MAPK8IP3: variants seen among roughly 807,000 people sequenced by gnomAD.
The protein encoded by MAPK8IP3 is C-Jun-amino-terminal kinase-interacting protein 3.
Under a neutral mutation model 157.8 loss-of-function variants are expected in MAPK8IP3, and 49 were observed. That is an observed-to-expected ratio of 0.31 (90% confidence interval 0.25 to 0.39). The LOEUF (loss-of-function observed/expected upper bound fraction) is 0.39, where lower values mean the gene tolerates loss of function less well. Ranked by LOEUF, MAPK8IP3 falls within the 10% of genes least tolerant of loss-of-function variation. MAPK8IP3 has a pLI of 1.00. For missense variants in MAPK8IP3, 1,478 were observed against 1,889.4 expected (o/e 0.78, Z 4.04); for synonymous variants, 897 against 777.7 (o/e 1.15, Z -2.55).
At chr16:1,718,563 G>A (rs2038308924) in intron 1 of MAPK8IP3, among the ~76,000 whole-genome samples, 1 of 151,406 alleles carries the variant, frequency 6.6e-6, no homozygotes, top group South Asian at 2.1e-4. Flanking sequence ...GGAACCCAAG[G>A]CAGGCAGATT....
At chr16:1,730,607 G>GCT (rs1311241381) in intron 4 of MAPK8IP3, among the ~76,000 whole-genome samples, 2 of 152,060 alleles carry the variant, frequency 1.3e-5, no homozygotes, top group Non-Finnish European at 2.9e-5. Context: ...ACTTTGGGAG[G>GCT]GCAAGGAGGG....
intron 8 of MAPK8IP3, among the ~76,000 whole-genome samples, chr16:1,750,939 T>C (rs1305915804): frequency 6.6e-6 from 1 of 151,636 alleles, no homozygotes; most frequent in Admixed American, 6.6e-5. Context: ...CCACCACTCC[T>C]GGCCGATTGT....
intron 4 of MAPK8IP3, among the ~76,000 whole-genome samples, chr16:1,732,296 G>T (rs1488575016): frequency 6.6e-6 from 1 of 152,206 alleles, no homozygotes; most frequent in Non-Finnish European, 1.5e-5. Flanking sequence ...GATGGCAAAA[G>T]CCTCCCTCAC....
intron 8 of MAPK8IP3, among the ~76,000 whole-genome samples, chr16:1,756,772 T>C (rs2041625661): frequency 6.6e-6 from 1 of 151,894 alleles, no homozygotes; most frequent in Non-Finnish European, 1.5e-5. Flanking sequence ...CAGTAAGCTA[T>C]GATAGTGCCA....
At position 1,743,324 on chromosome 16, in the gene MAPK8IP3, C is replaced by T; in HGVS notation, c.603-8C>T. ...CATCGCTTCCTCTCCTCTCGCCCCC[C>T]ATTTCAGCAGGAAGGAGCGCCCCAC... On this transcript the variant is annotated splice_region_variant and splice_polypyrimidine_tract_variant and intron_variant, in intron 4 of 31. Transcript: ENST00000610761. This position sits in a 1 kb window ranked among gnomAD's most constrained non-coding sequence, Gnocchi z 5.6. 6.5e-7 allele frequency: 1 copy of T among 1,547,444 alleles called. No homozygotes were observed. The highest frequency in any genetic ancestry group is 8.7e-7 in the Non-Finnish European group (1 of 1,154,356).
At chr16:1,708,194 A>T (rs1222890837) in intron 1 of MAPK8IP3, among the ~76,000 whole-genome samples, 1 of 152,216 alleles carries the variant, frequency 6.6e-6, no homozygotes. Flanking sequence ...GGCTGAACCA[A>T]GGTCACCCAC....
chr16:1,708,306 G>A (rs2037531346), intron 1 of MAPK8IP3, among the ~76,000 whole-genome samples: 1 of 152,210 alleles, frequency 6.6e-6, no homozygotes, highest in Non-Finnish European at 1.5e-5. Context: ...CTCCCCAGAA[G>A]CCTGGAGTGC....
At chr16:1,764,252 G>T in intron 18 of MAPK8IP3, 42 bp downstream of exon 18, 4 of 1,597,044 alleles carry the variant, frequency 2.5e-6, no homozygotes, top group Non-Finnish European at 1.7e-6. Context: ...TGGGCGAGCG[G>T]GAGGCTGGGG....
chr16:1,734,375 G>T (rs991002276), intron 4 of MAPK8IP3, among the ~76,000 whole-genome samples: 1 of 152,202 alleles, frequency 6.6e-6, no homozygotes. Context: ...AATCGGTCAC[G>T]CCTGCTGTTG....
At chr16:1,738,868 A>AGT (rs1220987388) in intron 4 of MAPK8IP3, among the ~76,000 whole-genome samples, 1 of 94,196 alleles carries the variant, frequency 1.1e-5, no homozygotes, top group African/African-American at 4.2e-5. Context: ...CGTCCGTGTG[A>AGT]GTGTGACCAT....
rs748861652 is a variant in MAPK8IP3, at chr16:1,724,575, G to A, written c.337G>A (p.Asp113Asn). 6.2e-7 allele frequency: 1 copy of A among 1,613,462 alleles called. No individual in the cohort carries two copies. Among genetic ancestry groups the A allele is most frequent in the Non-Finnish European group, 8.5e-7 (1 of 1,179,974 alleles). The change falls in exon 2 of 32, where the codon GAT becomes AAT. Residue 113 changes from aspartate to asparagine, a missense_variant. By Grantham distance (23) the Asp-to-Asn change is conservative. This residue lies in a region of MAPK8IP3 where 65 missense variants were observed against 161.8 expected (regional missense o/e 0.40). Coordinates refer to ENST00000610761, the MANE Select transcript of MAPK8IP3 (RefSeq NM_001318852.2). The surrounding 1 kb of genome is among the most constrained non-coding windows in gnomAD (Gnocchi z 4.1). ...TGCACAGAAATTCATTGAGTTTGAA[G>A]ATGCTCTGGAACAAGAGAAGAAAGA... ...QAEEKFIEFE[D>N]ALEQEKKELQ...
Position 1,760,013 on chromosome 16 carries a change from C to G in MAPK8IP3, c.1302C>G (p.Thr434=). Reference sequence around the variant, plus strand: ...TGGAAAACTCACAGCTTCTGGAAACCAAGTAAGAGTGCCCTTCTCCTGTGT... The same window carrying G: ...TGGAAAACTCACAGCTTCTGGAAACGAAGTAAGAGTGCCCTTCTCCTGTGT... The part of the protein sequence containing the change: ...LLLENSQLLE[T]KNALNVVKND... Residue 434 remains threonine, a splice_region_variant and synonymous_variant, in exon 11 of 32, where the codon ACC becomes ACG. Transcript: ENST00000610761. 2 of 1,614,176 alleles carry G rather than the reference C, an allele frequency of 1.2e-6. No individual in the cohort carries two copies. Among genetic ancestry groups the G allele is most frequent in the African/African-American group, 1.3e-5 (1 of 75,066 alleles).
chr16:1,740,756 G>A (rs2040627610), intron 4 of MAPK8IP3, among the ~76,000 whole-genome samples: 1 of 152,374 alleles, frequency 6.6e-6, no homozygotes, highest in African/African-American at 2.4e-5. Context: ...GGTGCTGGGG[G>A]ACGACCAGCA....
rs2040824395 is a variant in MAPK8IP3, at chr16:1,743,918, C to T, written c.747+442C>T. 9.9e-7 allele frequency: 1 copy of T among 1,014,828 alleles called. No individual in the cohort carries two copies. The highest frequency in any genetic ancestry group is 1.2e-6 in the Non-Finnish European group (1 of 848,966). The allele number at this position is 1,014,828 out of a possible 1,614,324, so 62.9% of individuals were successfully genotyped here. ...GTCAGTGTCTAGAGTGTGGGGTTTGCCCTCCGTTGGCAGAAAGGTGAGGAG... is the reference window on the plus strand; with the variant it reads ...GTCAGTGTCTAGAGTGTGGGGTTTGTCCTCCGTTGGCAGAAAGGTGAGGAG... On this transcript the variant is annotated intron_variant, in intron 5 of 31. Coordinates refer to ENST00000610761, the MANE Select transcript of MAPK8IP3 (RefSeq NM_001318852.2). The surrounding 1 kb of genome is among the most constrained non-coding windows in gnomAD (Gnocchi z 5.6).
intron 1 of MAPK8IP3, chr16:1,707,221 G>C (rs2142252097): frequency 6.5e-6 from 1 of 152,682 alleles, no homozygotes; most frequent in East Asian, 1.9e-4. Flanking sequence ...GATGATGTTG[G>C]AGACCTTTCC....
At position 1,762,816 on chromosome 16, in the gene MAPK8IP3, C is replaced by G. The variant is rs1232830561; in HGVS notation, c.1728-20C>G. 6.2e-7 allele frequency: 1 copy of G among 1,609,670 alleles called. No individual in the cohort carries two copies. The highest frequency in any genetic ancestry group is 8.5e-7 in the Non-Finnish European group (1 of 1,177,130). On this transcript the variant is annotated intron_variant, in intron 15 of 31. Coordinates refer to ENST00000610761, the MANE Select transcript of MAPK8IP3 (RefSeq NM_001318852.2). The stretch of plus-strand genomic sequence containing the variant: ...TCCCTGGTCCTCTGCCCACCCCTCA[C>G]CTCCCTGTGCCTCTGGCAGCTTCAG...
chr16:1,766,455 G>T (rs1334303568), intron 22 of MAPK8IP3, 46 bp downstream of exon 22: 2 of 1,603,422 alleles, frequency 1.2e-6, no homozygotes. Flanking sequence ...GCTTGCAGAG[G>T]TGGGAAGGGC....
chr16:1,715,004 C>T (rs1410479004), intron 1 of MAPK8IP3, among the ~76,000 whole-genome samples: 5 of 152,016 alleles, frequency 3.3e-5, no homozygotes, highest in Non-Finnish European at 7.4e-5. Flanking sequence ...TCCGCTGGTA[C>T]CAACCATATA....
In MAPK8IP3 at chr16:1,768,983, G is replaced by A. The variant is rs114065248; in HGVS notation, c.*159G>A. 1.3e-3 allele frequency: 1,068 copies of A among 801,758 alleles called. 9 individuals are homozygous for A. In the African/African-American group the frequency reaches 0.017, roughly 12 times the overall value. 49.7% of individuals were successfully genotyped at this position (801,758 alleles called of 1,614,324 possible). A position where few individuals can be genotyped will look rare whatever the true frequency, so the allele number is the denominator to read the frequency against. On this transcript the variant is annotated 3_prime_UTR_variant, in exon 32 of 32. Transcript: ENST00000610761. ...GGCCCCTCCAGCGGGCAGGGAGTGC[G>A]GGGATGCGGATCAGCTGGGAGGAGG...
Sources: allele counts gnomAD v4.1 joint callset (sites outside exome capture counted in the v4.1 genomes callset), GRCh38; gene constraint gnomAD v4.1.1; regional missense constraint gnomAD v4.1.1; non-coding constraint Gnocchi (gnomAD v3.1); transcripts MANE v1.5; gene names NCBI Gene and HGNC (gene_info 2026-07-23, HGNC 2026-07-21).